Variants in NEGR1 observed in about 807,000 individuals in gnomAD.
NEGR1 encodes the protein neuronal growth regulator 1, also known as IgLON family member 4.
In NEGR1, 10 loss-of-function variants were observed where a neutral mutation model predicts 40.9. The observed-to-expected ratio is 0.24, with a 90% CI of 0.15 to 0.42. The LOEUF is 0.42. Ranked by LOEUF, NEGR1 falls within the 10% of genes least tolerant of loss-of-function variation. The probability of loss-of-function intolerance (pLI) is 1.00; values close to 1 mark genes in which losing one functional copy is unlikely to be tolerated. For missense variants in NEGR1, 352 were observed against 438.9 expected, an observed-to-expected ratio of 0.80 and a Z score of 1.77; for synonymous variants, 185 against 166.8, an observed-to-expected ratio of 1.11 and a Z score of -0.84.
intron 5 of NEGR1, 81 bp from the exon 6 acceptor site, chr1:71,593,049 G>A: frequency 1.6e-5 from 15 of 927,442 alleles, no homozygotes; most frequent in Non-Finnish European, 2.2e-5. Flanking sequence ...GGTTGTCATG[G>A]CAACCCATAG....
intron 6 of NEGR1, among the ~76,000 whole-genome samples, chr1:71,589,132 T>C (rs1008696356): frequency 1.3e-5 from 2 of 152,158 alleles, no homozygotes; most frequent in African/African-American, 4.8e-5. Flanking sequence ...ACTGCCCAAA[T>C]GTCAGAGACA....
chr1:71,868,471 A>AATACATAC (rs56859630), intron 2 of NEGR1, among the ~76,000 whole-genome samples: 2,937 of 148,042 alleles, frequency 0.02, 42 homozygotes, highest in Non-Finnish European at 0.024. Context: ...AGATAGACAG[A>AATACATAC]ATACATACAT....
chr1:72,143,033 T>C (rs1021227401), intron 1 of NEGR1, among the ~76,000 whole-genome samples: 13 of 151,938 alleles, frequency 8.6e-5, no homozygotes, highest in South Asian at 4.1e-4. Context: ...TGAAGTCAAT[T>C]TGCTAAAATT....
intron 1 of NEGR1, among the ~76,000 whole-genome samples, chr1:72,144,852 T>C (rs1254971589): frequency 6.6e-6 from 1 of 152,088 alleles, no homozygotes; most frequent in Non-Finnish European, 1.5e-5. Flanking sequence ...TTTTCTCTGA[T>C]TTCCTTGCAA....
chr1:72,055,880 A>T (rs2100484816), intron 1 of NEGR1, among the ~76,000 whole-genome samples: 1 of 149,368 alleles, frequency 6.7e-6, no homozygotes, highest in South Asian at 2.1e-4. Context: ...AAAATTAGGC[A>T]CCTGGAAATC....
At chr1:72,152,391 T>C (rs1011738407) in intron 1 of NEGR1, among the ~76,000 whole-genome samples, 1 of 151,930 alleles carries the variant, frequency 6.6e-6, no homozygotes, top group African/African-American at 2.4e-5. Context: ...TAAGTAAATA[T>C]ACTGGAAGAA....
intron 5 of NEGR1, among the ~76,000 whole-genome samples, chr1:71,595,987 T>C (rs1211640448): frequency 6.6e-6 from 1 of 151,000 alleles, no homozygotes; most frequent in Non-Finnish European, 1.5e-5. Flanking sequence ...TTGACTTAGA[T>C]TATACAATGA....
intron 6 of NEGR1, among the ~76,000 whole-genome samples, chr1:71,581,389 A>T (rs1570061426): frequency 6.6e-6 from 1 of 152,202 alleles, no homozygotes; most frequent in Non-Finnish European, 1.5e-5. Flanking sequence ...AAAATTGGGG[A>T]AATTTTCTTG....
Position 71,590,090 on chromosome 1 carries a change from C to T in NEGR1, c.940+2727G>A, listed in dbSNP as rs920773989. Among the ~76,000 whole-genome samples, 5 of 152,110 alleles carry T rather than the reference C, an allele frequency of 3.3e-5. No homozygotes were observed. In the East Asian group the frequency reaches 5.8e-4, roughly 18 times the overall value. ...TCTCTTTCTTCCATCACCATTCCCA[C>T]ACCCAGGCTCATCCTAATCACCTTT... On this transcript the variant is annotated intron_variant, in intron 6 of 6. Coordinates refer to ENST00000357731, the MANE Select transcript of NEGR1 (RefSeq NM_173808.3).
At chr1:71,965,513 T>C (rs1006098596) in intron 1 of NEGR1, among the ~76,000 whole-genome samples, 113 of 152,160 alleles carry the variant, frequency 7.4e-4, no homozygotes, top group Non-Finnish European at 2.1e-4. Flanking sequence ...TTCTAAATCT[T>C]CCTAGACCTA....
intron 2 of NEGR1, among the ~76,000 whole-genome samples, chr1:71,787,836 C>G (rs1190932550): frequency 6.6e-6 from 1 of 152,160 alleles, no homozygotes; most frequent in Non-Finnish European, 1.5e-5. Flanking sequence ...CACATCTTGG[C>G]AAGGCCTTCA....
At chr1:71,784,166 G>C (rs1256021329) in intron 2 of NEGR1, among the ~76,000 whole-genome samples, 1 of 152,102 alleles carries the variant, frequency 6.6e-6, no homozygotes, top group Non-Finnish European at 1.5e-5. Context: ...GGGATAACCG[G>C]ATGAGTTTTT....
At chr1:72,269,948 A>C (rs1655788216) in intron 1 of NEGR1, among the ~76,000 whole-genome samples, 1 of 151,824 alleles carries the variant, frequency 6.6e-6, no homozygotes, top group South Asian at 2.1e-4. Flanking sequence ...TAATCACTGT[A>C]GACTTAGAAG....
rs141663747 is a variant in NEGR1, at chr1:71,937,236, A to G, written c.177-1925T>C. ...AAAAGCTTGTCCTTATGTATTTAAT[A>G]AAGAAAATAAAACCCCTTTAATGAT... is the stretch of plus-strand genomic sequence containing the variant. On this transcript the variant is annotated intron_variant, in intron 1 of 6. Transcript: ENST00000357731. 4.3e-3 allele frequency among the ~76,000 whole-genome samples: 654 copies of G among 152,294 alleles called. 5 individuals are homozygous for G. The highest frequency in any genetic ancestry group is 0.015 in the African/African-American group (627 of 41,564).
At chr1:71,508,671 G>T (rs1376921274) in intron 6 of NEGR1, among the ~76,000 whole-genome samples, 4 of 152,180 alleles carry the variant, frequency 2.6e-5, no homozygotes, top group African/African-American at 7.2e-5. Context: ...TTACAGTAGG[G>T]CATCACCCTG....
chr1:72,206,177 G>A (rs1653391040), intron 1 of NEGR1, among the ~76,000 whole-genome samples: 1 of 151,876 alleles, frequency 6.6e-6, no homozygotes, highest in South Asian at 2.1e-4. Context: ...TTAATTATTT[G>A]GAAGAGGAAG....
intron 6 of NEGR1, among the ~76,000 whole-genome samples, chr1:71,558,586 A>G (rs1279574236): frequency 6.6e-6 from 1 of 151,544 alleles, no homozygotes; most frequent in Admixed American, 6.6e-5. Context: ...CAGTTATAAT[A>G]TAGCACCATC....
intron 4 of NEGR1, among the ~76,000 whole-genome samples, chr1:71,666,036 G>A (rs1356680879): frequency 6.6e-6 from 1 of 152,132 alleles, no homozygotes; most frequent in East Asian, 1.9e-4. Flanking sequence ...CTACCTTCAA[G>A]AAGTTAACGG....
At chr1:71,774,460 AT>A (rs1336766505) in intron 3 of NEGR1, among the ~76,000 whole-genome samples, 2 of 152,130 alleles carry the variant, frequency 1.3e-5, no homozygotes, top group Non-Finnish European at 2.9e-5. Flanking sequence ...AGATATATTG[AT>A]TTTTTCTCAC....
Sources: allele counts gnomAD v4.1 joint callset (sites outside exome capture counted in the v4.1 genomes callset), GRCh38; gene constraint gnomAD v4.1.1; transcripts MANE v1.5; gene names NCBI Gene and HGNC (gene_info 2026-07-23, HGNC 2026-07-21).